Variants in TRABD2B observed in about 807,000 individuals in gnomAD.
TRABD2B encodes the protein metalloprotease TIKI2.
In TRABD2B, 14 loss-of-function variants were observed where a neutral mutation model predicts 40.1. The observed-to-expected ratio is 0.35, with a 90% CI of 0.23 to 0.55. TRABD2B has a LOEUF of 0.55. TRABD2B is among the 20% of genes least tolerant of loss of function. The probability of loss-of-function intolerance (pLI) is 0.90; values close to 1 mark genes in which losing one functional copy is unlikely to be tolerated. For missense variants in TRABD2B, 541 were observed against 648.6 expected (o/e 0.83, Z 1.80); for synonymous variants, 263 against 277.0 (o/e 0.95, Z 0.50).
chr1:47,943,781 C>T (rs1346959068), intron 2 of TRABD2B, among the ~76,000 whole-genome samples: 1 of 151,844 alleles, frequency 6.6e-6, no homozygotes, highest in African/African-American at 2.4e-5. Context: ...CACACACACA[C>T]ACACACACAC....
intron 2 of TRABD2B, among the ~76,000 whole-genome samples, chr1:47,874,571 CTTTTT>C (rs370059019): frequency 7.3e-6 from 1 of 137,286 alleles, no homozygotes. Context: ...CGCGCCCGGC[CTTTTT>C]TTTTTTTTTA....
chr1:47,839,272 G>C (rs759599365), intron 2 of TRABD2B, among the ~76,000 whole-genome samples: 4 of 152,058 alleles, frequency 2.6e-5, no homozygotes, highest in Non-Finnish European at 5.9e-5. Flanking sequence ...CCGTGAGCAA[G>C]CAGAGTGGGC....
At chr1:47,799,861 C>T (rs889533071) in intron 3 of TRABD2B, among the ~76,000 whole-genome samples, 4 of 152,186 alleles carry the variant, frequency 2.6e-5, no homozygotes, top group Non-Finnish European at 5.9e-5. Flanking sequence ...TCAGCCGTTC[C>T]TTCCACAGGC....
At chr1:47,926,837 C>T (rs1250525170) in intron 2 of TRABD2B, among the ~76,000 whole-genome samples, 2 of 152,302 alleles carry the variant, frequency 1.3e-5, no homozygotes, top group East Asian at 3.9e-4. Flanking sequence ...TCCTGCCTTG[C>T]TTTAGAGAGC....
At chr1:47,965,201 C>T (rs867034130) in intron 2 of TRABD2B, among the ~76,000 whole-genome samples, 328 of 9,478 alleles carry the variant, frequency 0.035, 7 homozygotes, top group African/African-American at 0.066. Context: ...TGGCGGGGGG[C>T]GGGGGGGGGT....
chr1:47,831,736 T>G (rs1341650042), intron 2 of TRABD2B, among the ~76,000 whole-genome samples: 1 of 152,124 alleles, frequency 6.6e-6, no homozygotes, highest in Non-Finnish European at 1.5e-5. Context: ...TCTGGGTGAG[T>G]TGGCATGCTC....
intron 2 of TRABD2B, among the ~76,000 whole-genome samples, chr1:47,959,974 G>A (rs1645486373): frequency 6.6e-6 from 1 of 152,098 alleles, no homozygotes; most frequent in African/African-American, 2.4e-5. Flanking sequence ...ATAAAATACT[G>A]GCAAACCGAA....
At chr1:47,868,524 C>T (rs116464872) in intron 2 of TRABD2B, among the ~76,000 whole-genome samples, 223 of 152,282 alleles carry the variant, frequency 1.5e-3, no homozygotes, top group African/African-American at 3.9e-3. Context: ...GCCTGAGCTT[C>T]GCCTCCTGTC....
chr1:47,964,032 GATA>G (rs1361423627), intron 2 of TRABD2B, among the ~76,000 whole-genome samples: 1 of 152,172 alleles, frequency 6.6e-6, no homozygotes, highest in Non-Finnish European at 1.5e-5. Context: ...CAGAAATAAA[GATA>G]ATTTGTTCTG....
chr1:47,900,393 G>GTACT lies in TRABD2B; in HGVS notation c.666+93637_666+93640dup, dbSNP rs559418594. Among the ~76,000 whole-genome samples, 89 of 152,258 alleles carry GTACT rather than the reference G, an allele frequency of 5.8e-4. 1 individual carries two copies. Among genetic ancestry groups the GTACT allele is most frequent in the African/African-American group, 2.0e-3 (84 of 41,552 alleles). On this transcript the variant is annotated intron_variant, in intron 2 of 6. Coordinates refer to ENST00000606738, the MANE Select transcript of TRABD2B (RefSeq NM_001194986.2). ...TGCCACCTGCCAGGCACTCTGTTGGGTACTTAGTGCCTGTTATTTAGTGGG... is the reference window on the plus strand; with the variant it reads ...TGCCACCTGCCAGGCACTCTGTTGGGTACTTACTTAGTGCCTGTTATTTAGTGGG...
At chr1:47,935,141 T>C (rs1045603374) in intron 2 of TRABD2B, among the ~76,000 whole-genome samples, 27 of 152,290 alleles carry the variant, frequency 1.8e-4, no homozygotes, top group African/African-American at 6.3e-4. Flanking sequence ...TGGCACACCA[T>C]AATCATAATT....
intron 6 of TRABD2B, among the ~76,000 whole-genome samples, 191 bp from the exon 7 acceptor site, chr1:47,766,297 C>T (rs569023679): frequency 8.5e-5 from 13 of 152,278 alleles, no homozygotes; most frequent in South Asian, 2.1e-4. Context: ...AGAGTCCACA[C>T]GGACCCCCTT....
chr1:47,826,482 G>A (rs1216595484), intron 2 of TRABD2B, among the ~76,000 whole-genome samples: 1 of 152,116 alleles, frequency 6.6e-6, no homozygotes, highest in Non-Finnish European at 1.5e-5. Flanking sequence ...AGCTGCTCAA[G>A]TTGCATTAAA....
At chr1:47,920,149 G>A (rs2124731955) in intron 2 of TRABD2B, among the ~76,000 whole-genome samples, 1 of 152,330 alleles carries the variant, frequency 6.6e-6, no homozygotes, top group Non-Finnish European at 1.5e-5. Flanking sequence ...TGAGGATCGA[G>A]TGGTGGATGA....
chr1:47,902,725 C>T (rs1458827897), intron 2 of TRABD2B, among the ~76,000 whole-genome samples: 1 of 152,114 alleles, frequency 6.6e-6, no homozygotes, highest in Non-Finnish European at 1.5e-5. Context: ...TGGCCTCAAG[C>T]CATCCTCCCA....
At chr1:47,885,204 C>G (rs1031608813) in intron 2 of TRABD2B, among the ~76,000 whole-genome samples, 1 of 152,222 alleles carries the variant, frequency 6.6e-6, no homozygotes, top group African/African-American at 2.4e-5. Context: ...ATGCCATTGC[C>G]TGTACCTAAA....
chr1:47,920,354 T>C (rs908832650), intron 2 of TRABD2B, among the ~76,000 whole-genome samples: 16 of 152,220 alleles, frequency 1.1e-4, no homozygotes, highest in Admixed American at 9.8e-4. Context: ...AAGAGGGCTA[T>C]AGGTTTAAGA....
At chr1:47,815,719 G>A (rs1426950014) in intron 2 of TRABD2B, among the ~76,000 whole-genome samples, 3 of 152,154 alleles carry the variant, frequency 2.0e-5, no homozygotes, top group African/African-American at 7.2e-5. Context: ...TGGAGTGTCT[G>A]GGGCTCCAAG....
At chr1:47,782,415 G>C (rs1026654818) in intron 4 of TRABD2B, among the ~76,000 whole-genome samples, 3 of 152,180 alleles carry the variant, frequency 2.0e-5, no homozygotes, top group Non-Finnish European at 4.4e-5. Context: ...GACTTTGTCA[G>C]AACGTGCTCC....
Sources: allele counts gnomAD v4.1 joint callset (sites outside exome capture counted in the v4.1 genomes callset), GRCh38; gene constraint gnomAD v4.1.1; transcripts MANE v1.5; gene names NCBI Gene and HGNC (gene_info 2026-07-23, HGNC 2026-07-21).